Variants in HTR4 observed in about 807,000 individuals in gnomAD.
HTR4 encodes the protein 5-hydroxytryptamine receptor 4, also known as 5-hydroxytryptamine (serotonin) receptor 4, G protein-coupled.
In HTR4, 16 loss-of-function variants were observed where a neutral mutation model predicts 36.8. That is an observed-to-expected ratio of 0.43 (90% confidence interval 0.29 to 0.66). The LOEUF (loss-of-function observed/expected upper bound fraction) is 0.66, where lower values mean the gene tolerates loss of function less well. Ranked by LOEUF, HTR4 falls within the 30% of genes least tolerant of loss-of-function variation. HTR4 has a pLI of 0.13. For synonymous variants in HTR4, 189 were observed against 185.1 expected (o/e 1.02, Z -0.17); for missense variants, 438 against 490.9 (o/e 0.89, Z 1.02).
intron 1 of HTR4, 73 bp downstream of exon 1, chr5:148,653,989 C>T (rs953494645): frequency 3.5e-5 from 32 of 917,580 alleles, no homozygotes; most frequent in African/African-American, 5.4e-5. Flanking sequence ...CGTGCTGCCC[C>T]GCCCCCGCCG....
intron 6 of HTR4, among the ~76,000 whole-genome samples, chr5:148,507,908 C>T (rs986297699): frequency 6.6e-6 from 1 of 152,190 alleles, no homozygotes; most frequent in Non-Finnish European, 1.5e-5. Context: ...TTCTTGTACA[C>T]ACACTTTATG....
At chr5:148,643,430 T>C (rs559159104) in intron 1 of HTR4, among the ~76,000 whole-genome samples, 57 of 152,272 alleles carry the variant, frequency 3.7e-4, no homozygotes, top group African/African-American at 1.3e-3. Context: ...AGGTTTTTTT[T>C]CCCAAAGGCA....
intron 4 of HTR4, among the ~76,000 whole-genome samples, chr5:148,535,062 T>A (rs1170299208): frequency 1.3e-5 from 2 of 152,136 alleles, no homozygotes; most frequent in Admixed American, 1.3e-4. Context: ...AGTCTACCAA[T>A]TGACCATATG....
Position 148,550,166 on chromosome 5 carries a change from C to A in HTR4, c.123G>T (p.Met41Ile), listed in dbSNP as rs1209012845. The change falls in exon 3 of 7, where the codon ATG (methionine) becomes ATT (isoleucine). Residue 41 changes from methionine (M) to isoleucine (I), a missense_variant. Met to Ile is a conservative substitution (Grantham distance 10). Coordinates refer to ENST00000377888, the MANE Select transcript of HTR4 (RefSeq NM_000870.7). ...LMAILGNLLV[M>I]VAVCWDRQLR... ...GCTGCCTGTCCCAGCACACAGCCAC[C>A]ATCACCAGCAGGTTCCCCAAGATGG... 16 of 1,614,142 alleles carry A rather than the reference C, an allele frequency of 9.9e-6. No homozygotes were observed. The highest frequency in any genetic ancestry group is 1.4e-5 in the Non-Finnish European group (16 of 1,180,020).
chr5:148,568,795 A>G (rs184237540), intron 2 of HTR4, among the ~76,000 whole-genome samples: 67 of 152,262 alleles, frequency 4.4e-4, no homozygotes, highest in Admixed American at 2.8e-3. Context: ...TAACATATCT[A>G]TTCTAGGGAA....
At chr5:148,601,062 C>T (rs1363780027) in intron 2 of HTR4, among the ~76,000 whole-genome samples, 2 of 106,326 alleles carry the variant, frequency 1.9e-5, no homozygotes, top group Non-Finnish European at 3.9e-5. Flanking sequence ...CCAAAGAAGA[C>T]ATAAGAATGG....
At chr5:148,459,434 C>G (rs1005690991) in intron 5 of HTR4, among the ~76,000 whole-genome samples, 1 of 152,034 alleles carries the variant, frequency 6.6e-6, no homozygotes, top group Non-Finnish European at 1.5e-5. Flanking sequence ...GCAAGCCTAA[C>G]CTATGAGAAT....
intron 2 of HTR4, among the ~76,000 whole-genome samples, chr5:148,618,643 A>G (rs1395377098): frequency 1.4e-5 from 2 of 147,384 alleles, no homozygotes; most frequent in African/African-American, 2.6e-5. Context: ...GTATTCCACC[A>G]TCCTTTGTTG....
At chr5:148,652,164 A>G (rs1393995177) in intron 1 of HTR4, among the ~76,000 whole-genome samples, 2 of 152,246 alleles carry the variant, frequency 1.3e-5, no homozygotes, top group Non-Finnish European at 2.9e-5. Context: ...TCCTATCTCC[A>G]GAAATTCCCA....
chr5:148,462,530 C>G (rs1755302961), intron 5 of HTR4, among the ~76,000 whole-genome samples: 1 of 151,700 alleles, frequency 6.6e-6, no homozygotes, highest in South Asian at 2.1e-4. Context: ...AATTAATAAC[C>G]TTTCAAAACA....
At chr5:148,540,420 AT>A (rs1561606459) in intron 4 of HTR4, among the ~76,000 whole-genome samples, 1 of 132,212 alleles carries the variant, frequency 7.6e-6, no homozygotes, top group East Asian at 2.2e-4. Flanking sequence ...ATATATATAT[AT>A]ATATATATAT....
chr5:148,619,033 T>C (rs1752812748), intron 2 of HTR4, among the ~76,000 whole-genome samples: 1 of 150,066 alleles, frequency 6.7e-6, no homozygotes, highest in South Asian at 2.1e-4. Context: ...GAAAAGAAAG[T>C]GAATGAAGAA....
At chr5:148,620,445 G>A (rs1032349092) in intron 2 of HTR4, among the ~76,000 whole-genome samples, 8 of 152,212 alleles carry the variant, frequency 5.3e-5, no homozygotes, top group Admixed American at 3.3e-4. Flanking sequence ...TATACTGTCC[G>A]ATATGGTAGC....
chr5:148,622,509 G>A (rs1283203438), intron 2 of HTR4, among the ~76,000 whole-genome samples: 6 of 152,192 alleles, frequency 3.9e-5, no homozygotes, highest in Non-Finnish European at 1.5e-5. Context: ...ATTCTTGTCA[G>A]GCTGATATCC....
At chr5:148,622,816 A>G (rs1752962852) in intron 2 of HTR4, among the ~76,000 whole-genome samples, 2 of 152,250 alleles carry the variant, frequency 1.3e-5, no homozygotes, top group Admixed American at 6.5e-5. Context: ...AGGTTTTATT[A>G]CTAGCCAGAA....
At chr5:148,475,095 G>A (rs889051562), downstream of HTR4, among the ~76,000 whole-genome samples, 5 of 151,852 alleles carry the variant, frequency 3.3e-5, no homozygotes, top group South Asian at 1.0e-3. Context: ...CCATAAAATG[G>A]GCATTATATA....
At chr5:148,483,566 T>C (rs1185579134) in intron 6 of HTR4, among the ~76,000 whole-genome samples, 4 of 152,200 alleles carry the variant, frequency 2.6e-5, no homozygotes, top group Non-Finnish European at 5.9e-5. Flanking sequence ...CCCTCAACAT[T>C]GTGCCCTCTA....
At chr5:148,511,103 G>A (rs1015670519) in intron 5 of HTR4, among the ~76,000 whole-genome samples, 1 of 150,456 alleles carries the variant, frequency 6.6e-6, no homozygotes, top group African/African-American at 2.5e-5. Context: ...CCTCTGTGTT[G>A]CCATTCCTCC....
intron 2 of HTR4, among the ~76,000 whole-genome samples, chr5:148,555,894 G>A (rs534528994): frequency 1.3e-5 from 2 of 151,514 alleles, no homozygotes; most frequent in East Asian, 1.9e-4. Flanking sequence ...AGTGATTATT[G>A]TTATTAATAA....
Sources: allele counts gnomAD v4.1 joint callset (sites outside exome capture counted in the v4.1 genomes callset), GRCh38; gene constraint gnomAD v4.1.1; transcripts MANE v1.5; gene names NCBI Gene and HGNC (gene_info 2026-07-23, HGNC 2026-07-21).